ERP44: variants seen among roughly 807,000 people sequenced by gnomAD.
ERP44 encodes endoplasmic reticulum resident protein 44.
Under a neutral mutation model 53.4 loss-of-function variants are expected in ERP44, and 25 were observed. That is an observed-to-expected ratio of 0.47 (90% CI 0.34 to 0.65). The LOEUF (loss-of-function observed/expected upper bound fraction) is 0.65. Among genes scored for constraint, ERP44 ranks in the 30% least tolerant of loss-of-function variants. The pLI, the probability that ERP44 is intolerant of heterozygous loss-of-function variation, is 0.01. For synonymous variants in ERP44, 145 were observed against 161.2 expected (o/e 0.90, Z 0.76); for missense variants, 338 against 493.2 (o/e 0.69, Z 2.98).
intron 10 of ERP44, among the ~76,000 whole-genome samples, chr9:99,995,529 T>C (rs2118614077): frequency 7.1e-6 from 1 of 141,326 alleles, no homozygotes; most frequent in South Asian, 2.1e-4. Flanking sequence ...CCAATCCCCA[T>C]AACCCCCAGC....
chr9:100,052,300 AT>A, intron 4 of ERP44, 116 bp downstream of exon 4: 1 of 470,614 alleles, frequency 2.1e-6, no homozygotes. Flanking sequence ...AAAGCAGAGC[AT>A]TTAAAAAAAA....
At chr9:100,037,526 G>T (rs1476996625) in intron 4 of ERP44, among the ~76,000 whole-genome samples, 1 of 152,108 alleles carries the variant, frequency 6.6e-6, no homozygotes, top group African/African-American at 2.4e-5. Flanking sequence ...TTAAGGGGCT[G>T]CTGGCATCAC....
chr9:100,075,042 A>G (rs1375240975), intron 1 of ERP44, among the ~76,000 whole-genome samples: 1 of 152,204 alleles, frequency 6.6e-6, no homozygotes, highest in African/African-American at 2.4e-5. Context: ...CTCTACCTAG[A>G]AAAATGGTAA....
At chr9:100,067,209 C>T (rs544076379) in intron 1 of ERP44, among the ~76,000 whole-genome samples, 11 of 152,194 alleles carry the variant, frequency 7.2e-5, no homozygotes, top group Non-Finnish European at 1.0e-4. Context: ...TCTCCCTCTC[C>T]CTCTCTTTCC....
At chr9:100,022,599 C>T (rs1294469386) in intron 4 of ERP44, among the ~76,000 whole-genome samples, 2 of 152,020 alleles carry the variant, frequency 1.3e-5, no homozygotes, top group East Asian at 1.9e-4. Flanking sequence ...ATAATGACTA[C>T]AAAAAACAGC....
intron 4 of ERP44, among the ~76,000 whole-genome samples, chr9:100,049,092 T>C (rs557347942): frequency 6.6e-6 from 1 of 152,288 alleles, no homozygotes; most frequent in East Asian, 1.9e-4. Flanking sequence ...AAAAGACTTG[T>C]ATTCACAATA....
intron 3 of ERP44, among the ~76,000 whole-genome samples, chr9:100,055,125 G>A (rs1366427975): frequency 6.6e-6 from 1 of 151,830 alleles, no homozygotes; most frequent in African/African-American, 2.4e-5. Flanking sequence ...AACCTAAAAG[G>A]AAATTATAAT....
intron 6 of ERP44, among the ~76,000 whole-genome samples, chr9:100,020,172 T>C (rs1830572218): frequency 6.6e-6 from 1 of 152,070 alleles, no homozygotes; most frequent in South Asian, 2.1e-4. Flanking sequence ...AGGTTAGCCT[T>C]AGAAAGAATT....
chr9:99,996,857 C>CT (rs1830313973), intron 10 of ERP44, among the ~76,000 whole-genome samples: 1 of 152,002 alleles, frequency 6.6e-6, no homozygotes, highest in Non-Finnish European at 1.5e-5. Context: ...AAATGCTGTT[C>CT]ATTCCTTTTT....
intron 3 of ERP44, among the ~76,000 whole-genome samples, chr9:100,055,053 T>C (rs1178206011): frequency 6.6e-6 from 1 of 152,138 alleles, no homozygotes; most frequent in Non-Finnish European, 1.5e-5. Flanking sequence ...TAGGCATACC[T>C]GAATTTAAAT....
intron 1 of ERP44, among the ~76,000 whole-genome samples, chr9:100,063,256 T>C (rs143851213): frequency 9.6e-4 from 146 of 152,116 alleles, no homozygotes; most frequent in African/African-American, 3.4e-3. Context: ...AGTGATAAGA[T>C]TGGTATTTTG....
chr9:100,011,459 C>T (rs1041142996), intron 8 of ERP44, among the ~76,000 whole-genome samples: 4 of 152,030 alleles, frequency 2.6e-5, no homozygotes, highest in African/African-American at 9.7e-5. Context: ...GGGTATTATT[C>T]AATGAAAAAT....
rs1826074631 is a variant in ERP44 at position 100,055,062 on chromosome 9, ATCCCAG to A, written c.171-2536_171-2531del. Reference sequence around the variant, plus strand: ...TGCAGTTAGGCATACCTGAATTTAAATCCCAGTTCCACCACTTACTAGCCATATGAC... The same window carrying A: ...TGCAGTTAGGCATACCTGAATTTAAATTCCACCACTTACTAGCCATATGAC... On this transcript the variant is annotated intron_variant, in intron 3 of 11. Transcript: ENST00000262455. Among the ~76,000 whole-genome samples the A allele has an allele frequency of 2.0e-5, 3 of 152,236 alleles. No individual in the cohort carries two copies. In the South Asian group the frequency reaches 6.2e-4, roughly 32 times the overall value.
intron 4 of ERP44, among the ~76,000 whole-genome samples, chr9:100,028,513 T>C (rs1035163525): frequency 6.6e-6 from 1 of 152,258 alleles, no homozygotes; most frequent in South Asian, 2.1e-4. Flanking sequence ...TGTGTCTATG[T>C]GTGTTTCGAA....
At chr9:99,988,309 T>A (rs1830216922) in intron 10 of ERP44, among the ~76,000 whole-genome samples, 1 of 152,232 alleles carries the variant, frequency 6.6e-6, no homozygotes, top group African/African-American at 2.4e-5. Context: ...TTATGGATAG[T>A]GCTTTTGATA....
chr9:100,066,463 A>G (rs893262162), intron 1 of ERP44, among the ~76,000 whole-genome samples: 3 of 152,250 alleles, frequency 2.0e-5, no homozygotes, highest in Non-Finnish European at 2.9e-5. Context: ...AGTTGGCAGT[A>G]CATCTGCTAG....
At chr9:100,076,495 T>C (rs1220874647) in intron 1 of ERP44, among the ~76,000 whole-genome samples, 10 of 152,198 alleles carry the variant, frequency 6.6e-5, no homozygotes, top group Admixed American at 5.9e-4. Flanking sequence ...TGCAGCACCA[T>C]AGCCCCTTTC....
intron 4 of ERP44, among the ~76,000 whole-genome samples, chr9:100,023,541 A>T (rs186201340): frequency 6.6e-6 from 1 of 150,564 alleles, no homozygotes; most frequent in African/African-American, 2.4e-5. Context: ...CAATTCTCCC[A>T]CTTCAGCCTC....
intron 4 of ERP44, among the ~76,000 whole-genome samples, chr9:100,048,734 G>C (rs112464829): frequency 6.6e-6 from 1 of 152,102 alleles, no homozygotes; most frequent in Non-Finnish European, 1.5e-5. Context: ...TGAGCCTTGC[G>C]GACATTATGC....
Sources: gnomAD v4.1 joint callset for allele counts (sites outside exome capture counted in the v4.1 genomes callset) on GRCh38, gnomAD v4.1.1 for gene constraint, MANE v1.5 for transcripts, NCBI Gene and HGNC (gene_info 2026-07-23, HGNC 2026-07-21) for gene names.